HOXD10: variants seen among roughly 807,000 people sequenced by gnomAD.
HOXD10 encodes the protein homeobox protein Hox-D10.
In HOXD10, 15 loss-of-function variants were observed where a neutral mutation model predicts 27.0. That is an observed-to-expected ratio of 0.56 (90% CI 0.37 to 0.85). HOXD10 has a LOEUF of 0.85. HOXD10 is among the 40% of genes least tolerant of loss of function. The pLI is 0.00. For synonymous variants in HOXD10, 178 were observed against 160.9 expected (o/e 1.11, Z -0.80); for missense variants, 440 against 430.4 (o/e 1.02, Z -0.20).
chr2:176,118,955 G>A lies in HOXD10; in HGVS notation c.747G>A (p.Glu249=). 6.2e-7 allele frequency: 1 copy of A among 1,611,848 alleles called. No individual in the cohort carries two copies. Among genetic ancestry groups the A allele is most frequent in the Non-Finnish European group, 8.5e-7 (1 of 1,178,522 alleles). The change falls in exon 2 of 2, where the codon GAG becomes GAA. Residue 249 remains glutamate (E), a splice_region_variant and synonymous_variant. Transcript: ENST00000249501. ...SPEVQEKESK[E]EIKSDTPTSN... ...TTCTTCTCCCTTTAATTTTGTTAGA[G>A]GAAATCAAGTCTGATACACCAACCA... is the stretch of plus-strand genomic sequence containing the variant.
chr2:176,119,289 C>G lies in HOXD10; in HGVS notation c.*58C>G. ...AGGATTGGAGAGGGGGCACCGCGTT[C>G]CAGGGCCCAGTGCTGGAGGACTGGG... On this transcript the variant is annotated 3_prime_UTR_variant, in exon 2 of 2. Coordinates refer to ENST00000249501, the MANE Select transcript of HOXD10 (RefSeq NM_002148.4). 6.4e-7 allele frequency: 1 copy of G among 1,557,258 alleles called. No homozygotes were observed.
rs769262961 is a variant in HOXD10, at chr2:176,117,557, G to A, written c.724G>A (p.Val242Met). ...LAEVSVSSPE[V>M]QEKESKEEIK... ...TGAGGTCTCCGTGTCCAGTCCCGAA[G>A]TGCAGGAGAAGGAAAGCAAAGGTCG... The change falls in exon 1 of 2, where the codon GTG (valine) becomes ATG (methionine). Residue 242 changes from valine (V) to methionine (M), a missense_variant. By Grantham distance (21) the Val-to-Met change is conservative (BLOSUM62 1). Coordinates refer to ENST00000249501, the MANE Select transcript of HOXD10 (RefSeq NM_002148.4). The A allele has an allele frequency of 1.2e-6, 2 of 1,613,186 alleles. No individual in the cohort carries two copies. Among genetic ancestry groups the A allele is most frequent in the Non-Finnish European group, 1.7e-6 (2 of 1,180,054 alleles).
rs754306920 is a variant in HOXD10 at position 176,119,184 on chromosome 2, C to G, written c.976C>G (p.Arg326Gly). The G allele has an allele frequency of 2.5e-6, 4 of 1,613,786 alleles. No individual in the cohort carries two copies. The highest frequency in any genetic ancestry group is 2.2e-5 in the East Asian group (1 of 44,866). Residue 326 changes from arginine to glycine, a missense_variant, in exon 2 of 2, where the codon CGA becomes GGA. Coordinates refer to ENST00000249501, the MANE Select transcript of HOXD10 (RefSeq NM_002148.4). ...CCGAATGAAACTCAAGAAGATGAGCCGAGAGAACCGGATCCGAGAACTGAC... is the reference window on the plus strand; with the variant it reads ...CCGAATGAAACTCAAGAAGATGAGCGGAGAGAACCGGATCCGAGAACTGAC... ...NRRMKLKKMS[R>G]ENRIRELTAN...
chr2:176,119,302 C>T lies in HOXD10; in HGVS notation c.*71C>T, dbSNP rs1689825330. The T allele has an allele frequency of 2.0e-6, 3 of 1,481,080 alleles. No homozygotes were observed. The highest frequency in any genetic ancestry group is 2.8e-6 in the Non-Finnish European group (3 of 1,069,550). 91.7% of individuals were successfully genotyped at this position (1,481,080 alleles called of 1,614,324 possible). On this transcript the variant is annotated 3_prime_UTR_variant, in exon 2 of 2. Coordinates refer to ENST00000249501, the MANE Select transcript of HOXD10 (RefSeq NM_002148.4). ...GGGCACCGCGTTCCAGGGCCCAGTG[C>T]TGGAGGACTGGGAAAGCGGAAACAA...
Position 176,117,044 on chromosome 2 carries a change from G to T in HOXD10, c.211G>T (p.Val71Leu). 1.2e-6 allele frequency: 2 copies of T among 1,614,168 alleles called. No individual in the cohort carries two copies. Among genetic ancestry groups the T allele is most frequent in the Non-Finnish European group, 1.7e-6 (2 of 1,180,032 alleles). The change falls in exon 1 of 2, where the codon GTG becomes TTG. Residue 71 changes from valine (V) to leucine (L), a missense_variant. Physicochemically the swap from Val to Leu is conservative, Grantham distance 32 (BLOSUM62 1). Transcript: ENST00000249501. ...GAACCACCAAAATATGGGTATGAAT[G>T]TGCATCCTTATATACCTCAAGTAGA... ...EVNHQNMGMN[V>L]HPYIPQVDSW...
Position 176,117,129 on chromosome 2 carries a change from C to T in HOXD10, c.296C>T (p.Pro99Leu), listed in dbSNP as rs761017009. 1.1e-5 allele frequency: 17 copies of T among 1,613,226 alleles called. No homozygotes were observed. The East Asian group carries it at 1.6e-4, about 15-fold the overall frequency. The stretch of plus-strand genomic sequence containing the variant: ...GAGCAACCTGTTACACAGCAAGTCC[C>T]CACTTGCTCCTTCACCACCAACATT... ...RIEQPVTQQV[P>L]TCSFTTNIKE... Residue 99 changes from proline to leucine, a missense_variant, in exon 1 of 2, where the codon CCC becomes CTC. Physicochemically the swap from Pro to Leu is moderately conservative, Grantham distance 98 (BLOSUM62 -3). Coordinates refer to ENST00000249501, the MANE Select transcript of HOXD10 (RefSeq NM_002148.4).
rs1363203825 is a variant in HOXD10, at chr2:176,119,382, T to A, written c.*151T>A. 3 of 809,908 alleles carry A rather than the reference T, an allele frequency of 3.7e-6. No homozygotes were observed. The highest frequency in any genetic ancestry group is 6.1e-6 in the Non-Finnish European group (3 of 495,674). 50.2% of individuals were successfully genotyped at this position (809,908 alleles called of 1,614,324 possible). On this transcript the variant is annotated 3_prime_UTR_variant, in exon 2 of 2. Transcript: ENST00000249501. ...GTTGTATTTTGTTTTCCTGCTAGAA[T>A]GTGACTTTGGGGTCATTATGTTCGT...
Position 176,119,293 on chromosome 2 carries a change from G to C in HOXD10, c.*62G>C, listed in dbSNP as rs1050159244. Reference sequence around the variant, plus strand: ...TTGGAGAGGGGGCACCGCGTTCCAGGGCCCAGTGCTGGAGGACTGGGAAAG... The same window carrying C: ...TTGGAGAGGGGGCACCGCGTTCCAGCGCCCAGTGCTGGAGGACTGGGAAAG... On this transcript the variant is annotated 3_prime_UTR_variant, in exon 2 of 2. Coordinates refer to ENST00000249501, the MANE Select transcript of HOXD10 (RefSeq NM_002148.4). 3 of 1,541,676 alleles carry C rather than the reference G, an allele frequency of 1.9e-6. No individual in the cohort carries two copies. The highest frequency in any genetic ancestry group is 2.7e-6 in the Non-Finnish European group (3 of 1,120,990).
In HOXD10 at chr2:176,119,266, G is replaced by A. The variant is rs1396058259; in HGVS notation, c.*35G>A. 1.9e-6 allele frequency: 3 copies of A among 1,606,372 alleles called. No individual in the cohort carries two copies. The highest frequency in any genetic ancestry group is 2.2e-5 in the East Asian group (1 of 44,776). ...CGGTCTGAGGCCGGTCAGAGGCCAG[G>A]ATTGGAGAGGGGGCACCGCGTTCCA... On this transcript the variant is annotated 3_prime_UTR_variant, in exon 2 of 2. Coordinates refer to ENST00000249501, the MANE Select transcript of HOXD10 (RefSeq NM_002148.4).
intron 1 of HOXD10, 116 bp downstream of exon 1, chr2:176,117,694 G>A: frequency 2.5e-6 from 3 of 1,206,834 alleles, no homozygotes; most frequent in Non-Finnish European, 2.4e-6. Flanking sequence ...GTGCTGCTCC[G>A]CCTGGTTTTA....
Position 176,117,203 on chromosome 2 carries a change from A to C in HOXD10, c.370A>C (p.Ile124Leu), listed in dbSNP as rs1022362129. 4 of 1,613,034 alleles carry C rather than the reference A, an allele frequency of 2.5e-6. No homozygotes were observed. Among genetic ancestry groups the C allele is most frequent in the Non-Finnish European group, 3.4e-6 (4 of 1,179,136 alleles). ...GTATTCTGATAAGCGCAACAAACTCATTTCGGCCGAGGTCCCTTCGTACCA... is the reference window on the plus strand; with the variant it reads ...GTATTCTGATAAGCGCAACAAACTCCTTTCGGCCGAGGTCCCTTCGTACCA... ...CMYSDKRNKLISAEVPSYQRL... is the reference protein window; with the variant it reads ...CMYSDKRNKLLSAEVPSYQRL... The change falls in exon 1 of 2, where the codon ATT (isoleucine) becomes CTT (leucine). Residue 124 changes from isoleucine to leucine, a missense_variant. Ile to Leu is a conservative substitution (Grantham distance 5). Transcript: ENST00000249501.
At chr2:176,117,711 T>A in intron 1 of HOXD10, 133 bp downstream of exon 1, 1 of 1,004,262 alleles carries the variant, frequency 1.0e-6, no homozygotes, top group Non-Finnish European at 1.5e-6. Flanking sequence ...TTTAGAGGGG[T>A]GATCTCAGCC....
chr2:176,119,185 G>C lies in HOXD10; in HGVS notation c.977G>C (p.Arg326Pro). Residue 326 changes from arginine to proline, a missense_variant, in exon 2 of 2, where the codon CGA becomes CCA. Transcript: ENST00000249501. ...NRRMKLKKMS[R>P]ENRIRELTAN... ...CGAATGAAACTCAAGAAGATGAGCC[G>C]AGAGAACCGGATCCGAGAACTGACC... 6.2e-7 allele frequency: 1 copy of C among 1,613,858 alleles called. No individual in the cohort carries two copies. The highest frequency in any genetic ancestry group is 1.7e-5 in the Admixed American group (1 of 60,010).
rs1305645419 is a variant in HOXD10 at position 176,117,466 on chromosome 2, CAA to C, written c.635_636del (p.Lys212SerfsTer22). On this transcript the variant is annotated frameshift_variant, in exon 1 of 2. Coordinates refer to ENST00000249501, the MANE Select transcript of HOXD10 (RefSeq NM_002148.4). LOFTEE classifies it high-confidence loss of function. ...NEPVSGQEPT[K>X]VSQVESPEAK... ...AGCCCGTGAGCGGCCAGGAGCCCACCAAAGTCTCCCAGGTGGAGAGCCCCGAG... is the reference window on the plus strand; with the variant it reads ...AGCCCGTGAGCGGCCAGGAGCCCACCAGTCTCCCAGGTGGAGAGCCCCGAG... The C allele has an allele frequency of 6.2e-7, 1 of 1,612,988 alleles. No individual in the cohort carries two copies. Among genetic ancestry groups the C allele is most frequent in the Non-Finnish European group, 8.5e-7 (1 of 1,180,002 alleles).
chr2:176,118,249 T>C (rs567763109), intron 1 of HOXD10, among the ~76,000 whole-genome samples: 1 of 152,312 alleles, frequency 6.6e-6, no homozygotes, highest in South Asian at 2.1e-4. Flanking sequence ...GATCTGGCTT[T>C]TTGAGAAGGA....
In HOXD10 at chr2:176,117,351, G is replaced by A; in HGVS notation, c.518G>A (p.Ser173Asn). The change falls in exon 1 of 2, where the codon AGC (serine) becomes AAC (asparagine). Residue 173 changes from serine to asparagine, a missense_variant. Physicochemically the swap from Ser to Asn is conservative, Grantham distance 46. Transcript: ENST00000249501. Reference protein sequence around the residue: ...TQEYNNSPEGSSTVMLQLNPR... With the variant: ...TQEYNNSPEGNSTVMLQLNPR... Reference sequence around the variant, plus strand: ...GAGTACAATAATAGCCCCGAAGGCAGCTCCACTGTCATGCTCCAGCTCAAC... The same window carrying A: ...GAGTACAATAATAGCCCCGAAGGCAACTCCACTGTCATGCTCCAGCTCAAC... 1 of 1,613,646 alleles carries A rather than the reference G, an allele frequency of 6.2e-7. No homozygotes were observed. The highest frequency in any genetic ancestry group is 1.1e-5 in the South Asian group (1 of 91,080).
Position 176,117,085 on chromosome 2 carries a change from G to A in HOXD10, c.252G>A (p.Pro84=), listed in dbSNP as rs1689768715. 2.5e-6 allele frequency: 4 copies of A among 1,614,152 alleles called. No homozygotes were observed. Among genetic ancestry groups the A allele is most frequent in the East Asian group, 4.5e-5 (2 of 44,886 alleles). Residue 84 remains proline, a synonymous_variant, in exon 1 of 2, where the codon CCG becomes CCA. Transcript: ENST00000249501. The part of the protein sequence containing the change: ...YIPQVDSWTD[P]NRSCRIEQPV... The stretch of plus-strand genomic sequence containing the variant: ...CTCAAGTAGACAGTTGGACAGATCC[G>A]AACAGATCTTGTCGAATAGAGCAAC...
intron 1 of HOXD10, among the ~76,000 whole-genome samples, chr2:176,118,556 G>A (rs1009921492): frequency 2.0e-5 from 3 of 152,192 alleles, no homozygotes; most frequent in Non-Finnish European, 2.9e-5. Flanking sequence ...CCAGGTCGTG[G>A]CGTATTCCCC....
rs1689771608 is a variant in HOXD10, at chr2:176,117,222, C to T, written c.389C>T (p.Ser130Leu). Reference protein sequence around the residue: ...RNKLISAEVPSYQRLVPESCP... With the variant: ...RNKLISAEVPLYQRLVPESCP... The stretch of plus-strand genomic sequence containing the variant: ...AAACTCATTTCGGCCGAGGTCCCTT[C>T]GTACCAGAGGCTGGTCCCTGAGTCT... Residue 130 changes from serine (S) to leucine (L), a missense_variant, in exon 1 of 2, where the codon TCG (serine) becomes TTG (leucine). Coordinates refer to ENST00000249501, the MANE Select transcript of HOXD10 (RefSeq NM_002148.4). 1.2e-6 allele frequency: 2 copies of T among 1,612,010 alleles called. No homozygotes were observed. The highest frequency in any genetic ancestry group is 1.7e-5 in the Admixed American group (1 of 59,948).
Sources: gnomAD v4.1 joint callset for allele counts (sites outside exome capture counted in the v4.1 genomes callset) on GRCh38, gnomAD v4.1.1 for gene constraint, MANE v1.5 for transcripts, NCBI Gene and HGNC (gene_info 2026-07-23, HGNC 2026-07-21) for gene names.